Variants in KLHDC8A observed in about 807,000 individuals in gnomAD.
KLHDC8A encodes the protein kelch domain containing 8A, also known as kelch domain-containing protein 8A.
A neutral mutation model predicts 33.1 loss-of-function variants in KLHDC8A; 21 were observed. The ratio of observed to expected loss-of-function variants is 0.64; its 90% CI spans 0.45 to 0.91. The LOEUF is 0.91. Among genes scored for constraint, KLHDC8A ranks in the 40% least tolerant of loss-of-function variants. KLHDC8A has a pLI of 0.00. For missense variants in KLHDC8A, 435 were observed against 483.3 expected (o/e 0.90, Z 0.94); for synonymous variants, 173 against 193.5 (o/e 0.89, Z 0.88).
At position 205,339,051 on chromosome 1, in the gene KLHDC8A, G is replaced by A; in HGVS notation, c.757+143C>T. On this transcript the variant is annotated intron_variant, in intron 4 of 5. Coordinates refer to ENST00000367155, the MANE Select transcript of KLHDC8A (RefSeq NM_018203.3). The surrounding 1 kb of genome is among the most constrained non-coding windows in gnomAD (Gnocchi z 5.1). Reference sequence around the variant, plus strand: ...TTTGATTCCAAGAGTAGCCCTGAGTGGAGAGGGGTGCTGAGACTTCTGAGA... The same window carrying A: ...TTTGATTCCAAGAGTAGCCCTGAGTAGAGAGGGGTGCTGAGACTTCTGAGA... 1 of 649,406 alleles carries A rather than the reference G, an allele frequency of 1.5e-6. No individual in the cohort carries two copies. The highest frequency in any genetic ancestry group is 2.7e-6 in the Non-Finnish European group (1 of 374,396). The allele number at this position is 649,406 out of a possible 1,614,324, so 40.2% of individuals were successfully genotyped here.
chr1:205,352,479 C>T (rs1415918531), intron 1 of KLHDC8A, among the ~76,000 whole-genome samples: 2 of 152,192 alleles, frequency 1.3e-5, no homozygotes, highest in Admixed American at 1.3e-4. Flanking sequence ...AGGCATCATC[C>T]AGTGCTTTGC....
At chr1:205,356,144 G>A (rs771544109) in intron 1 of KLHDC8A, among the ~76,000 whole-genome samples, 4 of 136,680 alleles carry the variant, frequency 2.9e-5, no homozygotes, top group Non-Finnish European at 4.5e-5. Flanking sequence ...ATGTCCATCT[G>A]CATCCAGGGT....
chr1:205,337,520 G>A lies in KLHDC8A; in HGVS notation c.932C>T (p.Ala311Val). Residue 311 changes from alanine to valine, a missense_variant, in exon 6 of 6, where the codon GCC becomes GTC. Physicochemically the swap from Ala to Val is moderately conservative, Grantham distance 64. Transcript: ENST00000367155. ...PGKNKWEILPAMPTPRCACSS... is the reference protein window; with the variant it reads ...PGKNKWEILPVMPTPRCACSS... ...GCAGGCACAGCGGGGTGTGGGCATGGCAGGGAGGATCTCCCATTTGTTCTT... is the reference window on the plus strand; with the variant it reads ...GCAGGCACAGCGGGGTGTGGGCATGACAGGGAGGATCTCCCATTTGTTCTT... 6.2e-7 allele frequency: 1 copy of A among 1,613,898 alleles called. No individual in the cohort carries two copies. Among genetic ancestry groups the A allele is most frequent in the Non-Finnish European group, 8.5e-7 (1 of 1,179,852 alleles).
Position 205,339,968 on chromosome 1 carries a change from G to T in KLHDC8A, c.377-160C>A. The stretch of plus-strand genomic sequence containing the variant: ...AGTGTGGTTGATAGCACCATTCAAA[G>T]AAGTTCCTGCTATAGCTAAGCCTGA... On this transcript the variant is annotated intron_variant, in intron 2 of 5. Transcript: ENST00000367155. The surrounding 1 kb of genome is among the most constrained non-coding windows in gnomAD (Gnocchi z 5.1). 4.1e-6 allele frequency: 2 copies of T among 489,354 alleles called. No homozygotes were observed. Among genetic ancestry groups the T allele is most frequent in the Non-Finnish European group, 3.6e-6 (1 of 281,354 alleles). The allele number at this position is 489,354 out of a possible 1,614,324, so 30.3% of individuals were successfully genotyped here.
At position 205,343,226 on chromosome 1, in the gene KLHDC8A, T is replaced by A. The variant is rs755789591; in HGVS notation, c.376+3A>T. ...GGCCGCCCTCAGCCCTGGCCCCACT[T>A]GCCTTTGGCCGTGACAGAAATGCCC... On this transcript the variant is annotated splice_donor_region_variant and intron_variant, in intron 2 of 5. Transcript: ENST00000367155. The A allele has an allele frequency of 2.6e-5, 41 of 1,579,202 alleles. No homozygotes were observed. In the East Asian group the frequency reaches 9.0e-4, roughly 35 times the overall value.
intron 4 of KLHDC8A, 81 bp from the exon 5 acceptor site, chr1:205,338,677 A>C: frequency 8.9e-7 from 1 of 1,128,814 alleles, no homozygotes; most frequent in Non-Finnish European, 1.3e-6. Flanking sequence ...TGTGGCCCAA[A>C]TAGCTTTCAC....
rs199762016 is a variant in KLHDC8A, at chr1:205,337,450, G to C, written c.1002C>G (p.Val334=). ...CCACTGCGTCACTCAGACCCTGGTT[G>C]ACACCTCCCACGGCGAGGAGGCAGT... ...VKNCLLAVGG[V]NQGLSDAVEA... is the part of the protein sequence containing the mutation. Residue 334 remains valine (V), a synonymous_variant, in exon 6 of 6, where the codon GTC becomes GTG. Transcript: ENST00000367155. 6.2e-7 allele frequency: 1 copy of C among 1,613,974 alleles called. No homozygotes were observed. The highest frequency in any genetic ancestry group is 2.2e-5 in the East Asian group (1 of 44,884).
At position 205,343,492 on chromosome 1, in the gene KLHDC8A, C is replaced by A; in HGVS notation, c.113G>T (p.Gly38Val). Residue 38 changes from glycine to valine, a missense_variant, in exon 2 of 6, where the codon GGA becomes GTA. By Grantham distance (109) the Gly-to-Val change is moderately radical. Coordinates refer to ENST00000367155, the MANE Select transcript of KLHDC8A (RefSeq NM_018203.3). ...CATGGGGACGCCGTTGTCGTCACAT[C>A]CCCCGATGGCATAGACCTGGCCCCC... The part of the protein sequence containing the change: ...ETGGQVYAIG[G>V]CDDNGVPMDC... The A allele has an allele frequency of 1.2e-6, 2 of 1,613,498 alleles. No individual in the cohort carries two copies. Among genetic ancestry groups the A allele is most frequent in the Non-Finnish European group, 1.7e-6 (2 of 1,179,872 alleles).
intron 5 of KLHDC8A, 97 bp downstream of exon 5, chr1:205,338,398 G>T: frequency 1.1e-6 from 1 of 930,874 alleles, no homozygotes; most frequent in South Asian, 1.4e-5. Context: ...CAGGTGGTCT[G>T]CAGGGAGTCA....
intron 1 of KLHDC8A, chr1:205,351,204 T>A (rs923869689): frequency 9.0e-6 from 7 of 773,918 alleles, no homozygotes; most frequent in Non-Finnish European, 1.7e-5. Context: ...ACTGCTCACT[T>A]TAAGAGCAGG....
chr1:205,339,852 A>C lies in KLHDC8A; in HGVS notation c.377-44T>G. 1.3e-6 allele frequency: 2 copies of C among 1,582,494 alleles called. No individual in the cohort carries two copies. The highest frequency in any genetic ancestry group is 1.7e-6 in the Non-Finnish European group (2 of 1,160,404). On this transcript the variant is annotated intron_variant, in intron 2 of 5. Coordinates refer to ENST00000367155, the MANE Select transcript of KLHDC8A (RefSeq NM_018203.3). The surrounding 1 kb of genome is among the most constrained non-coding windows in gnomAD (Gnocchi z 5.1). ...CATGCCCCTGGCTTAGCTCACAGGT[A>C]CAGCAAGACAGGCCCACCAGCATCT...
intron 1 of KLHDC8A, among the ~76,000 whole-genome samples, chr1:205,347,561 A>G (rs1489647338): frequency 2.6e-5 from 4 of 152,156 alleles, no homozygotes; most frequent in African/African-American, 9.7e-5. Flanking sequence ...TCTGCAAAAA[A>G]TAAACAAAAA....
chr1:205,341,259 G>A (rs1662781193), intron 2 of KLHDC8A, among the ~76,000 whole-genome samples: 1 of 152,110 alleles, frequency 6.6e-6, no homozygotes, highest in Admixed American at 6.5e-5. Context: ...GATTCTGTCT[G>A]CCAGCAGCCA....
chr1:205,349,068 A>G (rs1663022246), intron 1 of KLHDC8A, among the ~76,000 whole-genome samples: 1 of 152,146 alleles, frequency 6.6e-6, no homozygotes, highest in African/African-American at 2.4e-5. Context: ...AGCATAGAGA[A>G]GCCTCATTAG....
rs139881201 is a variant in KLHDC8A, at chr1:205,343,526, G to T, written c.79C>A (p.Leu27Met). The T allele has an allele frequency of 6.2e-7, 1 of 1,613,138 alleles. No homozygotes were observed. Among genetic ancestry groups the T allele is most frequent in the African/African-American group, 1.3e-5 (1 of 74,924 alleles). The change falls in exon 2 of 6, where the codon CTG becomes ATG. Residue 27 changes from leucine (L) to methionine (M), a missense_variant. Coordinates refer to ENST00000367155, the MANE Select transcript of KLHDC8A (RefSeq NM_018203.3). ...LPSRRVYCSLLETGGQVYAIG... is the reference protein window; with the variant it reads ...LPSRRVYCSLMETGGQVYAIG... ...GCATAGACCTGGCCCCCGGTCTCCA[G>T]CAGGGAGCAGTAGACCCGGCGGCTG...
chr1:205,352,329 C>T (rs1332248828), intron 1 of KLHDC8A, among the ~76,000 whole-genome samples: 2 of 152,082 alleles, frequency 1.3e-5, no homozygotes, highest in Non-Finnish European at 2.9e-5. Flanking sequence ...TAGGGAGTGG[C>T]TTTTGCTCTC....
intron 1 of KLHDC8A, chr1:205,344,110 C>T: frequency 6.6e-6 from 1 of 152,344 alleles, no homozygotes; most frequent in Non-Finnish European, 1.5e-5. Context: ...GCAGTCTCGG[C>T]GCCCCCGCCC....
At chr1:205,345,775 C>T (rs1033028711) in intron 1 of KLHDC8A, among the ~76,000 whole-genome samples, 4 of 151,854 alleles carry the variant, frequency 2.6e-5, no homozygotes, top group Admixed American at 2.6e-4. Flanking sequence ...CCTTCCACCC[C>T]CAAAAGTATA....
intron 1 of KLHDC8A, among the ~76,000 whole-genome samples, chr1:205,352,565 C>G (rs1663144288): frequency 6.6e-6 from 1 of 152,152 alleles, no homozygotes; most frequent in Admixed American, 6.5e-5. Flanking sequence ...GACCTGTGCT[C>G]TCTGTGCTGG....
Sources: gnomAD v4.1 joint callset for allele counts (sites outside exome capture counted in the v4.1 genomes callset) on GRCh38, gnomAD v4.1.1 for gene constraint, Gnocchi (gnomAD v3.1) non-coding constraint, MANE v1.5 for transcripts, NCBI Gene and HGNC (gene_info 2026-07-23, HGNC 2026-07-21) for gene names.